SH3GL2: variants seen among roughly 807,000 people sequenced by gnomAD.
SH3GL2 encodes SH3 domain containing GRB2 like 2, endophilin A1.
SH3GL2 carries 24 observed loss-of-function variants against 46.0 expected under a neutral mutation model. That is an observed-to-expected ratio of 0.52 (90% CI 0.38 to 0.73). SH3GL2 has a LOEUF of 0.73. Ranked by LOEUF, SH3GL2 falls within the 30% of genes least tolerant of loss-of-function variation. SH3GL2 has a pLI of 0.00. For synonymous variants in SH3GL2, 196 were observed against 147.1 expected (o/e 1.33, Z -2.40); for missense variants, 413 against 424.2 (o/e 0.97, Z 0.23).
At chr9:17,605,164 A>G (rs1818740908) in intron 1 of SH3GL2, among the ~76,000 whole-genome samples, 1 of 151,924 alleles carries the variant, frequency 6.6e-6, no homozygotes. Context: ...TTTTTTGTAG[A>G]GATGGGGTCT....
intron 1 of SH3GL2, among the ~76,000 whole-genome samples, chr9:17,596,773 A>G (rs1470819702): frequency 6.6e-6 from 1 of 152,230 alleles, no homozygotes. Flanking sequence ...CAAACAAAAT[A>G]CATAAAAATG....
At chr9:17,679,062 G>A (rs962735690) in intron 1 of SH3GL2, among the ~76,000 whole-genome samples, 1 of 152,090 alleles carries the variant, frequency 6.6e-6, no homozygotes, top group Non-Finnish European at 1.5e-5. Context: ...AAGTCAGGTA[G>A]TGTGATGCCT....
chr9:17,628,783 G>T (rs935262637), intron 1 of SH3GL2, among the ~76,000 whole-genome samples: 1 of 151,914 alleles, frequency 6.6e-6, no homozygotes, highest in Non-Finnish European at 1.5e-5. Context: ...CCTGCCAACT[G>T]CCCTTTTATA....
intron 1 of SH3GL2, 85 bp downstream of exon 1, chr9:17,579,372 T>C (rs3739487): frequency 0.61 from 570,682 of 941,618 alleles, 181,368 homozygotes; most frequent in East Asian, 0.91. Context: ...CGGCGGCAGC[T>C]TGGGGAGTTC....
rs36079244 is a variant in SH3GL2, at chr9:17,656,770, C to CAAAAAA, written c.45+77495_45+77500dup. Reference sequence around the variant, plus strand: ...TGGGCGACAGAGTGAGACTACATCTCAAAAAAAAAAAAAAAAACAAAAAAG... The same window carrying CAAAAAA: ...TGGGCGACAGAGTGAGACTACATCTCAAAAAAAAAAAAAAAAAAAAAAACAAAAAAG... On this transcript the variant is annotated intron_variant, in intron 1 of 8. Coordinates refer to ENST00000380607, the MANE Select transcript of SH3GL2 (RefSeq NM_003026.5). Among the ~76,000 whole-genome samples the CAAAAAA allele has an allele frequency of 1.5e-4, 15 of 101,548 alleles. 2 individuals carry two copies. Among genetic ancestry groups the CAAAAAA allele is most frequent in the African/African-American group, 3.6e-4 (10 of 27,698 alleles). 66.6% of individuals were successfully genotyped at this position (101,548 alleles called of 152,430 possible).
At chr9:17,592,115 G>T (rs1460545467) in intron 1 of SH3GL2, among the ~76,000 whole-genome samples, 1 of 152,176 alleles carries the variant, frequency 6.6e-6, no homozygotes, top group African/African-American at 2.4e-5. Flanking sequence ...AAGTCCAAAG[G>T]CCTGAGGCCC....
Position 17,791,277 on chromosome 9 carries a change from A to C in SH3GL2, c.671A>C (p.Glu224Ala). ...QLSALVQAQL[E>A]YHKQAVQILQ... ...TCTGCACTTGTGCAAGCTCAGCTGG[A>C]GTACCACAAGCAGGCAGTCCAGATC... Residue 224 changes from glutamate to alanine, a missense_variant, in exon 7 of 9, where the codon GAG becomes GCG. Physicochemically the swap from Glu to Ala is moderately radical, Grantham distance 107. Coordinates refer to ENST00000380607, the MANE Select transcript of SH3GL2 (RefSeq NM_003026.5). 6.2e-7 allele frequency: 1 copy of C among 1,613,792 alleles called. No homozygotes were observed. Among genetic ancestry groups the C allele is most frequent in the Non-Finnish European group, 8.5e-7 (1 of 1,179,700 alleles).
chr9:17,612,611 TG>T (rs1277149805), intron 1 of SH3GL2, among the ~76,000 whole-genome samples: 2 of 152,192 alleles, frequency 1.3e-5, no homozygotes, highest in Non-Finnish European at 2.9e-5. Context: ...ATTTCACTTG[TG>T]TATGTAATTG....
intron 1 of SH3GL2, among the ~76,000 whole-genome samples, chr9:17,713,945 C>G (rs1047770457): frequency 4.0e-5 from 6 of 151,478 alleles, no homozygotes; most frequent in Non-Finnish European, 7.4e-5. Context: ...AATTTTCTGT[C>G]CATTTGTTTT....
chr9:17,738,266 T>G (rs1188224451), intron 1 of SH3GL2, among the ~76,000 whole-genome samples: 1 of 151,888 alleles, frequency 6.6e-6, no homozygotes, highest in Non-Finnish European at 1.5e-5. Flanking sequence ...GAATGGAACT[T>G]GCACCAAAAT....
intron 1 of SH3GL2, among the ~76,000 whole-genome samples, chr9:17,664,294 A>G (rs1020778960): frequency 2.6e-5 from 4 of 152,154 alleles, no homozygotes; most frequent in Non-Finnish European, 4.4e-5. Context: ...TATTTCTCAT[A>G]CCACAGATAC....
intron 1 of SH3GL2, among the ~76,000 whole-genome samples, chr9:17,680,372 C>A (rs926289944): frequency 1.3e-5 from 2 of 152,046 alleles, no homozygotes; most frequent in African/African-American, 4.8e-5. Flanking sequence ...GTGTATGTGT[C>A]CAGGAATTTA....
intron 1 of SH3GL2, among the ~76,000 whole-genome samples, chr9:17,719,001 A>T (rs1472112730): frequency 6.6e-6 from 1 of 152,132 alleles, no homozygotes; most frequent in Non-Finnish European, 1.5e-5. Flanking sequence ...CTAAGGTGTC[A>T]TAAAGATGAG....
chr9:17,788,842 T>C (rs1824037370), intron 5 of SH3GL2, among the ~76,000 whole-genome samples: 1 of 152,212 alleles, frequency 6.6e-6, no homozygotes, highest in Non-Finnish European at 1.5e-5. Flanking sequence ...TGTAGATTCC[T>C]AGGCCCCCAC....
intron 1 of SH3GL2, among the ~76,000 whole-genome samples, chr9:17,622,756 C>T (rs1819172276): frequency 6.6e-6 from 1 of 152,076 alleles, no homozygotes; most frequent in Non-Finnish European, 1.5e-5. Context: ...GAAGTCAGAG[C>T]AGGCACGGTA....
At chr9:17,731,174 A>C (rs1822168682) in intron 1 of SH3GL2, among the ~76,000 whole-genome samples, 1 of 152,110 alleles carries the variant, frequency 6.6e-6, no homozygotes. Flanking sequence ...GTGGCTTTGC[A>C]CTAAATATAT....
At chr9:17,710,720 A>C (rs930849175) in intron 1 of SH3GL2, among the ~76,000 whole-genome samples, 4 of 151,942 alleles carry the variant, frequency 2.6e-5, no homozygotes, top group South Asian at 2.1e-4. Flanking sequence ...CAAGGGATAA[A>C]ATTTTGACAT....
chr9:17,712,606 A>G (rs1460873720), intron 1 of SH3GL2, among the ~76,000 whole-genome samples: 2 of 151,866 alleles, frequency 1.3e-5, no homozygotes, highest in East Asian at 1.9e-4. Context: ...TCTGCAAACA[A>G]TTATTTGTCC....
At chr9:17,739,625 A>T (rs55888011) in intron 1 of SH3GL2, among the ~76,000 whole-genome samples, 144,245 of 152,034 alleles carry the variant, frequency 0.95, 68,522 homozygotes, top group East Asian at 0.99. Context: ...ATGCCAGTTA[A>T]TTTTATTCAG....
Sources: allele counts gnomAD v4.1 joint callset (sites outside exome capture counted in the v4.1 genomes callset), GRCh38; gene constraint gnomAD v4.1.1; transcripts MANE v1.5; gene names NCBI Gene and HGNC (gene_info 2026-07-23, HGNC 2026-07-21).